The following SH3PXD2A variants were observed in gnomAD, a reference collection of about 807,000 sequenced individuals.
SH3PXD2A encodes the protein SH3 and PX domains 2A, also known as SH3 and PX domain-containing protein 2A.
A neutral mutation model predicts 115.2 loss-of-function variants in SH3PXD2A; 32 were observed. That is an observed-to-expected ratio of 0.28 (90% CI 0.21 to 0.37). The LOEUF is 0.37. Among genes scored for constraint, SH3PXD2A ranks in the 10% least tolerant of loss-of-function variants. The pLI is 1.00. For synonymous variants in SH3PXD2A, 610 were observed against 629.1 expected (o/e 0.97, Z 0.45); for missense variants, 1,328 against 1,498.7 (o/e 0.89, Z 1.88).
In SH3PXD2A at chr10:103,739,449, G is replaced by T. The variant is rs539916432; in HGVS notation, c.230-3641C>A. Among the ~76,000 whole-genome samples the T allele has an allele frequency of 3.3e-5, 5 of 152,198 alleles. No individual in the cohort carries two copies. In the East Asian group the frequency reaches 5.8e-4, roughly 18 times the overall value. ...CAGGGCTTTGGCACAATTGGCCAGT[G>T]GGGGAGAGAGGGAGGGAGAGAGGGA... On this transcript the variant is annotated intron_variant, in intron 3 of 14. Transcript: ENST00000369774.
chr10:103,776,395 CAA>C (rs11384789), intron 2 of SH3PXD2A, among the ~76,000 whole-genome samples: 40 of 88,284 alleles, frequency 4.5e-4, no homozygotes, highest in African/African-American at 1.0e-3. Flanking sequence ...ACCACTGTCT[CAA>C]AAAAAAAAAA....
intron 2 of SH3PXD2A, among the ~76,000 whole-genome samples, chr10:103,790,820 A>C (rs2039028100): frequency 6.6e-6 from 1 of 152,212 alleles, no homozygotes; most frequent in South Asian, 2.1e-4. Flanking sequence ...CATGAGTGGG[A>C]GATAGCAACA....
rs776180564 is a variant in SH3PXD2A at position 103,602,159 on chromosome 10, G to A, written c.3059C>T (p.Thr1020Ile). ...GGCCTCGGCGGCAGCGGAGCGAGCA[G>A]TGCTAAAGGAGGAGTTCCGTCGGAC... ...RGVRRNSSFS[T>I]ARSAAAEAKG... is the part of the protein sequence containing the mutation. The change falls in exon 15 of 15, where the codon ACT becomes ATT. Residue 1020 changes from threonine (T) to isoleucine (I), a missense_variant. Thr to Ile is a moderately conservative substitution (Grantham distance 89). Coordinates refer to ENST00000369774, the MANE Select transcript of SH3PXD2A (RefSeq NM_001394015.1). The A allele has an allele frequency of 1.3e-6, 2 of 1,576,028 alleles. No homozygotes were observed. Among genetic ancestry groups the A allele is most frequent in the African/African-American group, 1.4e-5 (1 of 74,044 alleles).
intron 1 of SH3PXD2A, among the ~76,000 whole-genome samples, chr10:103,842,796 T>C (rs937997316): frequency 6.6e-6 from 1 of 152,238 alleles, no homozygotes; most frequent in Non-Finnish European, 1.5e-5. Flanking sequence ...GGGATTTTTA[T>C]CTGCCCTGCT....
At chr10:103,770,602 T>C (rs2038806907) in intron 2 of SH3PXD2A, among the ~76,000 whole-genome samples, 1 of 152,232 alleles carries the variant, frequency 6.6e-6, no homozygotes, top group African/African-American at 2.4e-5. Flanking sequence ...CTCTGGAGTC[T>C]GAGCTCAGAG....
intron 5 of SH3PXD2A, among the ~76,000 whole-genome samples, chr10:103,698,292 G>A (rs2037849891): frequency 6.6e-6 from 1 of 152,208 alleles, no homozygotes; most frequent in African/African-American, 2.4e-5. Flanking sequence ...GCTGAATGCT[G>A]CAGGGTTGTA....
At chr10:103,754,724 C>G (rs1173074700) in intron 3 of SH3PXD2A, 1 of 152,094 alleles carries the variant, frequency 6.6e-6, no homozygotes, top group Non-Finnish European at 1.5e-5. Flanking sequence ...CCACAGAATA[C>G]CAGAAACAGG....
At chr10:103,844,147 C>G (rs1842816093) in intron 1 of SH3PXD2A, among the ~76,000 whole-genome samples, 1 of 152,240 alleles carries the variant, frequency 6.6e-6, no homozygotes, top group Non-Finnish European at 1.5e-5. Context: ...CATCAGTTTG[C>G]CAGCCCACTG....
At chr10:103,748,157 T>C (rs2038529519) in intron 3 of SH3PXD2A, among the ~76,000 whole-genome samples, 1 of 152,212 alleles carries the variant, frequency 6.6e-6, no homozygotes, top group Non-Finnish European at 1.5e-5. Context: ...ATTATGACAG[T>C]TGATCCTCAT....
chr10:103,599,888 G>A lies in SH3PXD2A; in HGVS notation c.*1928C>T, dbSNP rs895254197. 1 of 152,358 alleles carries A rather than the reference G, an allele frequency of 6.6e-6. No individual in the cohort carries two copies. The allele number at this position is 152,358 out of a possible 1,614,324, so 9.4% of individuals were successfully genotyped here. On this transcript the variant is annotated 3_prime_UTR_variant, in exon 15 of 15. Transcript: ENST00000369774. ...AGGAAACAAAACAATCTCACCACAG[G>A]CCTTCGACAAAGAACACGAGCCATT...
At chr10:103,757,186 G>A (rs767184197) in intron 3 of SH3PXD2A, among the ~76,000 whole-genome samples, 22 of 152,212 alleles carry the variant, frequency 1.4e-4, no homozygotes, top group Non-Finnish European at 2.8e-4. Flanking sequence ...AGGGAGTGGA[G>A]GGTAAAGGAC....
intron 3 of SH3PXD2A, among the ~76,000 whole-genome samples, chr10:103,739,096 C>G (rs2038414582): frequency 6.6e-6 from 1 of 152,218 alleles, no homozygotes; most frequent in South Asian, 2.1e-4. Context: ...TTAAGGAGCA[C>G]TGAGGCCTCC....
chr10:103,617,815 CCT>C (rs777246252), intron 10 of SH3PXD2A, among the ~76,000 whole-genome samples: 13 of 152,204 alleles, frequency 8.5e-5, no homozygotes, highest in Admixed American at 2.6e-4. Flanking sequence ...TTGCATCCTT[CCT>C]CTGTCTGACC....
At chr10:103,730,232 CTTTT>C (rs67561170) in intron 4 of SH3PXD2A, among the ~76,000 whole-genome samples, 2,867 of 118,242 alleles carry the variant, frequency 0.024, 89 homozygotes, top group African/African-American at 0.071. Flanking sequence ...TTTCTCGTTT[CTTTT>C]TTTTTTTTTT....
At chr10:103,700,714 G>A (rs997206060) in intron 5 of SH3PXD2A, among the ~76,000 whole-genome samples, 5 of 152,178 alleles carry the variant, frequency 3.3e-5, no homozygotes, top group African/African-American at 9.7e-5. Flanking sequence ...GCCATGGAGT[G>A]CTAGGAGCTC....
intron 6 of SH3PXD2A, among the ~76,000 whole-genome samples, chr10:103,689,979 T>C (rs770683825): frequency 2.1e-4 from 32 of 152,164 alleles, no homozygotes; most frequent in Non-Finnish European, 4.4e-4. Context: ...TCTGCGCAAA[T>C]GTCCCTGGCT....
chr10:103,806,112 A>C (rs2039199614), intron 1 of SH3PXD2A, among the ~76,000 whole-genome samples: 1 of 152,166 alleles, frequency 6.6e-6, no homozygotes, highest in African/African-American at 2.4e-5. Flanking sequence ...CTATGCCCTG[A>C]GCAGCCATGA....
intron 3 of SH3PXD2A, chr10:103,755,555 ATGCCGAGCC>A (rs914315317): frequency 1.3e-5 from 2 of 152,238 alleles, no homozygotes; most frequent in African/African-American, 4.8e-5. Context: ...GTGAGACAGC[ATGCCGAGCC>A]TGCTGAGTTG....
intron 4 of SH3PXD2A, among the ~76,000 whole-genome samples, chr10:103,733,780 TA>T (rs1219534895): frequency 6.6e-6 from 1 of 152,198 alleles, no homozygotes; most frequent in Non-Finnish European, 1.5e-5. Flanking sequence ...TATTTTATTT[TA>T]TTTTTTTAGG....
Sources: allele counts gnomAD v4.1 joint callset (sites outside exome capture counted in the v4.1 genomes callset), GRCh38; gene constraint gnomAD v4.1.1; transcripts MANE v1.5; gene names NCBI Gene and HGNC (gene_info 2026-07-23, HGNC 2026-07-21).